Variants in CDON observed in about 807,000 individuals in gnomAD.
The protein encoded by CDON is cell adhesion associated, oncogene regulated.
In CDON, 73 loss-of-function variants were observed where a neutral mutation model predicts 120.9. The observed-to-expected ratio is 0.60, with a 90% CI of 0.50 to 0.73. CDON has a LOEUF of 0.73. CDON is among the 30% of genes least tolerant of loss of function. The pLI is 0.00. For missense variants in CDON, 1,470 were observed against 1,587.3 expected (o/e 0.93, Z 1.26); for synonymous variants, 566 against 573.5 (o/e 0.99, Z 0.19).
chr11:126,017,947 T>C (rs1241495002), intron 5 of CDON, among the ~76,000 whole-genome samples: 3 of 152,172 alleles, frequency 2.0e-5, no homozygotes, highest in African/African-American at 7.2e-5. Flanking sequence ...TCACCCAGGC[T>C]GGAGTGCAGT....
intron 1 of CDON, among the ~76,000 whole-genome samples, chr11:126,028,287 C>T (rs1419775617): frequency 1.3e-5 from 2 of 151,880 alleles, no homozygotes; most frequent in Admixed American, 6.6e-5. Context: ...ATGTGGTGTA[C>T]GGTATTTACA....
At chr11:125,997,014 A>T (rs1232592529) in intron 12 of CDON, among the ~76,000 whole-genome samples, 193 bp downstream of exon 12, 3 of 152,090 alleles carry the variant, frequency 2.0e-5, no homozygotes, top group Non-Finnish European at 4.4e-5. Context: ...CTGTCTGTAC[A>T]AAAAACACAA....
At chr11:126,060,737 G>A (rs557924508) in intron 1 of CDON, among the ~76,000 whole-genome samples, 2 of 152,336 alleles carry the variant, frequency 1.3e-5, no homozygotes, top group South Asian at 4.1e-4. Flanking sequence ...TAGGACATTA[G>A]TTCCTATTCC....
chr11:126,015,133 C>G lies in CDON; in HGVS notation c.1198+108G>C, dbSNP rs780361208. On this transcript the variant is annotated intron_variant, in intron 7 of 19. Transcript: ENST00000531738. ...ATGGAAAATGAACACCGTTCTTGTA[C>G]GGTGCTAGGGTTATTTTCTTTTAGT... 5.1e-5 allele frequency: 55 copies of G among 1,069,118 alleles called. No homozygotes were observed. The South Asian group carries it at 7.1e-4, about 14-fold the overall frequency. The allele number at this position is 1,069,118 out of a possible 1,614,324, so 66.2% of individuals were successfully genotyped here. A position where few individuals can be genotyped will look rare whatever the true frequency, so the allele number is the denominator to read the frequency against.
chr11:125,986,166 C>T lies in CDON; in HGVS notation c.2774-2073G>A, dbSNP rs534339085. ...AAGGATGAGTTCATGTCCTTCGTAGCGACATGGATGAAGCTGGAAACCATC... is the reference window on the plus strand; with the variant it reads ...AAGGATGAGTTCATGTCCTTCGTAGTGACATGGATGAAGCTGGAAACCATC... On this transcript the variant is annotated intron_variant, in intron 15 of 19. Transcript: ENST00000531738. Among the ~76,000 whole-genome samples, 29 of 152,184 alleles carry T rather than the reference C, an allele frequency of 1.9e-4. No homozygotes were observed. In the Middle Eastern group the frequency reaches 0.014, roughly 71 times the overall value.
intron 18 of CDON, among the ~76,000 whole-genome samples, chr11:125,963,349 T>C (rs1292489793): frequency 6.6e-6 from 1 of 152,144 alleles, no homozygotes; most frequent in East Asian, 1.9e-4. Context: ...GGAGATGACA[T>C]TGCACTGGGC....
intron 1 of CDON, among the ~76,000 whole-genome samples, chr11:126,036,350 T>A (rs1278097520): frequency 1.3e-5 from 2 of 152,216 alleles, no homozygotes; most frequent in African/African-American, 4.8e-5. Context: ...CTTTCTTTAA[T>A]GTACCACAAG....
chr11:125,967,857 T>C (rs1945848377), intron 18 of CDON, among the ~76,000 whole-genome samples: 1 of 152,128 alleles, frequency 6.6e-6, no homozygotes, highest in South Asian at 2.1e-4. Flanking sequence ...TCAATCAGAC[T>C]ACAGGCACGT....
chr11:126,049,435 G>A (rs551131435), intron 1 of CDON, among the ~76,000 whole-genome samples: 1 of 152,214 alleles, frequency 6.6e-6, no homozygotes, highest in East Asian at 1.9e-4. Flanking sequence ...ACCTCTTACT[G>A]GGAGCTGCAC....
rs1946713325 is a variant in CDON, at chr11:125,994,293, C to T, written c.2641G>A (p.Val881Ile). The T allele has an allele frequency of 1.3e-6, 2 of 1,575,020 alleles. No homozygotes were observed. The highest frequency in any genetic ancestry group is 1.7e-6 in the Non-Finnish European group (2 of 1,144,738). ...SDNDSDYKRD[V>I]VEGSKQWHMI... The stretch of plus-strand genomic sequence containing the variant: ...GTGCCAGGGGACTTACCTTCTACAA[C>T]ATCCCTCTTGTAATCACTGTCATTG... The change falls in exon 14 of 20, where the codon GTT becomes ATT. Residue 881 changes from valine (V) to isoleucine (I), a missense_variant. Physicochemically the swap from Val to Ile is conservative, Grantham distance 29. Coordinates refer to ENST00000531738, the MANE Select transcript of CDON (RefSeq NM_001378964.1).
At chr11:126,052,883 T>C (rs1485472071) in intron 1 of CDON, among the ~76,000 whole-genome samples, 1 of 152,128 alleles carries the variant, frequency 6.6e-6, no homozygotes, top group East Asian at 1.9e-4. Flanking sequence ...TACATAGCAT[T>C]TAAATTGTGT....
At position 126,013,620 on chromosome 11, in the gene CDON, C is replaced by T. The variant is rs147395477; in HGVS notation, c.1198+1621G>A. 3.8e-3 allele frequency among the ~76,000 whole-genome samples: 578 copies of T among 152,092 alleles called. 3 individuals are homozygous for T. The highest frequency in any genetic ancestry group is 0.013 in the African/African-American group (525 of 41,534). ...AGCTTAATCTTATTATCTTTAATTG[C>T]TGTAAGACTTGTATTTATAGCCCTC... On this transcript the variant is annotated intron_variant, in intron 7 of 19. Transcript: ENST00000531738.
At chr11:125,988,478 C>T (rs1320948042) in intron 15 of CDON, among the ~76,000 whole-genome samples, 5 of 152,112 alleles carry the variant, frequency 3.3e-5, no homozygotes, top group Non-Finnish European at 5.9e-5. Flanking sequence ...CAGGCTCAAG[C>T]GATTCTCCTG....
rs1456182831 is a variant in CDON at position 126,015,128 on chromosome 11, T to C, written c.1198+113A>G. ...GGACCATGGAAAATGAACACCGTTC[T>C]TGTACGGTGCTAGGGTTATTTTCTT... On this transcript the variant is annotated intron_variant, in intron 7 of 19. Coordinates refer to ENST00000531738, the MANE Select transcript of CDON (RefSeq NM_001378964.1). The C allele has an allele frequency of 6.9e-6, 7 of 1,016,540 alleles. No homozygotes were observed. In the Admixed American group the frequency reaches 1.2e-4, roughly 18 times the overall value. 63.0% of individuals were successfully genotyped at this position (1,016,540 alleles called of 1,614,324 possible).
chr11:125,959,278 T>C lies in CDON; in HGVS notation c.*1664A>G, dbSNP rs541159119. ...TTGTATTCTATTCCACTGCGATTTC[T>C]GGGAAACTAACATTTCTTCACTTCT... On this transcript the variant is annotated 3_prime_UTR_variant, in exon 20 of 20. Transcript: ENST00000531738. 6.6e-6 allele frequency: 1 copy of C among 152,238 alleles called. No individual in the cohort carries two copies. The highest frequency in any genetic ancestry group is 1.5e-5 in the Non-Finnish European group (1 of 68,034). 9.4% of individuals were successfully genotyped at this position (152,238 alleles called of 1,614,324 possible).
intron 5 of CDON, 72 bp from the exon 6 acceptor site, chr11:126,017,447 G>T: frequency 1.4e-6 from 2 of 1,420,654 alleles, no homozygotes; most frequent in Non-Finnish European, 2.0e-6. Flanking sequence ...CAAACCTGTG[G>T]GCATCACCAT....
intron 1 of CDON, among the ~76,000 whole-genome samples, chr11:126,052,039 T>A (rs191849077): frequency 6.6e-6 from 1 of 152,208 alleles, no homozygotes; most frequent in East Asian, 1.9e-4. Flanking sequence ...AAACCACAGT[T>A]AACAGTCAAT....
chr11:125,974,814 T>C (rs1946108908), intron 18 of CDON, among the ~76,000 whole-genome samples: 1 of 152,192 alleles, frequency 6.6e-6, no homozygotes, highest in Non-Finnish European at 1.5e-5. Context: ...ATTTATCACC[T>C]TTTTATGATG....
rs1314722912 is a variant in CDON at position 126,013,008 on chromosome 11, G to C, written c.1198+2233C>G. Among the ~76,000 whole-genome samples the C allele has an allele frequency of 2.0e-5, 3 of 152,084 alleles. No individual in the cohort carries two copies. The East Asian group carries it at 5.8e-4, about 29-fold the overall frequency. ...AATGCAATGTTTCCTGTAAGTCCTT[G>C]TTAGACACTCCTTATTAAGAAAGTT... On this transcript the variant is annotated intron_variant, in intron 7 of 19. Coordinates refer to ENST00000531738, the MANE Select transcript of CDON (RefSeq NM_001378964.1).
Sources: gnomAD v4.1 joint callset for allele counts (sites outside exome capture counted in the v4.1 genomes callset) on GRCh38, gnomAD v4.1.1 for gene constraint, MANE v1.5 for transcripts, NCBI Gene and HGNC (gene_info 2026-07-23, HGNC 2026-07-21) for gene names.